KCNIP4: variants seen among roughly 807,000 people sequenced by gnomAD.
KCNIP4 encodes the protein Kv channel-interacting protein 4.
KCNIP4 carries 12 observed loss-of-function variants against 34.0 expected under a neutral mutation model. The ratio of observed to expected loss-of-function variants is 0.35; its 90% confidence interval spans 0.23 to 0.57. KCNIP4 has a LOEUF of 0.57. Among genes scored for constraint, KCNIP4 ranks in the 20% least tolerant of loss-of-function variants. The pLI is 0.83. For missense variants in KCNIP4, 238 were observed against 311.7 expected (o/e 0.76, Z 1.78); for synonymous variants, 124 against 102.2 (o/e 1.21, Z -1.29).
At chr4:21,075,054 C>T (rs1365598743) in intron 1 of KCNIP4, among the ~76,000 whole-genome samples, 1 of 152,126 alleles carries the variant, frequency 6.6e-6, no homozygotes, top group East Asian at 1.9e-4. Flanking sequence ...AGCTTTACTT[C>T]CAACTATGTG....
At chr4:21,450,818 A>G (rs1369172920) in intron 1 of KCNIP4, among the ~76,000 whole-genome samples, 1 of 152,168 alleles carries the variant, frequency 6.6e-6, no homozygotes, top group Non-Finnish European at 1.5e-5. Flanking sequence ...ACGTGCAGAT[A>G]CTTTGAAAAG....
In KCNIP4 at chr4:20,896,472, C is replaced by T. The variant is rs571582828; in HGVS notation, c.62-13763G>A. On this transcript the variant is annotated intron_variant, in intron 1 of 8. Transcript: ENST00000382152. ...TTAGGGTGGGCCCTATAGCCAATAA[C>T]TGGTATCTTTCTGGAAGGAGAAGAC... is the stretch of plus-strand genomic sequence containing the variant. Among the ~76,000 whole-genome samples the T allele has an allele frequency of 4.6e-5, 7 of 152,216 alleles. No homozygotes were observed. In the South Asian group the frequency reaches 1.5e-3, roughly 32 times the overall value.
chr4:21,780,786 A>T (rs1338087179), intron 1 of KCNIP4, among the ~76,000 whole-genome samples: 2 of 152,186 alleles, frequency 1.3e-5, no homozygotes, highest in African/African-American at 2.4e-5. Flanking sequence ...TTATTCTCTC[A>T]CATTTCTGAA....
intron 1 of KCNIP4, among the ~76,000 whole-genome samples, chr4:21,551,147 A>T (rs59586361): frequency 0.039 from 5,978 of 152,164 alleles, 109 homozygotes; most frequent in East Asian, 0.049. Context: ...GCATATAAAA[A>T]CATTAGTTAA....
At chr4:21,756,021 C>T (rs1281245464) in intron 1 of KCNIP4, among the ~76,000 whole-genome samples, 1 of 152,214 alleles carries the variant, frequency 6.6e-6, no homozygotes, top group East Asian at 1.9e-4. Flanking sequence ...ATCAGCCCAA[C>T]TCCTTTTTTA....
At chr4:21,582,082 G>GGAATGGAATGGAATA (rs1553906760) in intron 1 of KCNIP4, 65 of 150,026 alleles carry the variant, frequency 4.3e-4, no homozygotes, top group African/African-American at 1.5e-3. Context: ...GGAATGGAAT[G>GGAATGGAATGGAATA]GAATGGGATG....
intron 1 of KCNIP4, among the ~76,000 whole-genome samples, chr4:21,932,484 C>T (rs529313294): frequency 1.2e-4 from 18 of 152,182 alleles, no homozygotes; most frequent in Admixed American, 1.0e-3. Context: ...CTTGCTGATA[C>T]AATTGCACAT....
chr4:21,136,759 G>A (rs996055712), intron 1 of KCNIP4, among the ~76,000 whole-genome samples: 27 of 152,132 alleles, frequency 1.8e-4, no homozygotes, highest in African/African-American at 6.3e-4. Flanking sequence ...AGACAAAGCA[G>A]TGTCAGTCAG....
chr4:20,841,337 G>C (rs1719692384), intron 3 of KCNIP4, among the ~76,000 whole-genome samples: 1 of 152,140 alleles, frequency 6.6e-6, no homozygotes, highest in African/African-American at 2.4e-5. Flanking sequence ...AGAAGGTGCA[G>C]CACCTGCTGT....
chr4:20,871,758 T>C (rs889539136), intron 2 of KCNIP4, among the ~76,000 whole-genome samples: 5 of 152,236 alleles, frequency 3.3e-5, no homozygotes, highest in African/African-American at 1.2e-4. Flanking sequence ...TCTCTTTGAG[T>C]TCTTTTTTCC....
intron 1 of KCNIP4, among the ~76,000 whole-genome samples, chr4:21,147,098 G>A (rs575538298): frequency 4.3e-4 from 66 of 152,260 alleles, no homozygotes; most frequent in East Asian, 1.4e-3. Flanking sequence ...TCTGGCTTCC[G>A]GTTGGGCTCA....
intron 1 of KCNIP4, among the ~76,000 whole-genome samples, chr4:21,114,181 T>G (rs1749492460): frequency 6.6e-6 from 1 of 152,158 alleles, no homozygotes; most frequent in Non-Finnish European, 1.5e-5. Context: ...GGCCTCCTCT[T>G]TTGTCTCTCC....
intron 1 of KCNIP4, among the ~76,000 whole-genome samples, chr4:21,823,987 C>T (rs1263784923): frequency 2.0e-5 from 3 of 152,092 alleles, no homozygotes; most frequent in Admixed American, 1.3e-4. Context: ...TTAGTGAATG[C>T]GACAGAACAG....
chr4:20,782,333 C>T (rs1235795922), intron 3 of KCNIP4, among the ~76,000 whole-genome samples: 6 of 152,098 alleles, frequency 3.9e-5, no homozygotes, highest in African/African-American at 7.2e-5. Flanking sequence ...AAGTGGTGTC[C>T]CAGTAGGGAC....
intron 1 of KCNIP4, among the ~76,000 whole-genome samples, chr4:21,399,470 G>A (rs1723286379): frequency 6.6e-6 from 1 of 152,186 alleles, no homozygotes; most frequent in Admixed American, 6.5e-5. Flanking sequence ...ATTAAATTAA[G>A]TTCCACCTGA....
intron 1 of KCNIP4, among the ~76,000 whole-genome samples, chr4:21,927,449 T>C (rs1729314447): frequency 6.6e-6 from 1 of 152,030 alleles, no homozygotes; most frequent in Admixed American, 6.6e-5. Context: ...AAAGCAATAC[T>C]CAGTAACTTT....
At chr4:21,183,697 C>A (rs973534300) in intron 1 of KCNIP4, among the ~76,000 whole-genome samples, 1 of 151,722 alleles carries the variant, frequency 6.6e-6, no homozygotes, top group East Asian at 1.9e-4. Context: ...CTCATTGTTC[C>A]CCCCCATTCT....
At chr4:21,006,779 C>T (rs899711862) in intron 1 of KCNIP4, among the ~76,000 whole-genome samples, 1 of 152,256 alleles carries the variant, frequency 6.6e-6, no homozygotes, top group African/African-American at 2.4e-5. Context: ...TGTCATGTAA[C>T]ACAGCATGGA....
intron 1 of KCNIP4, among the ~76,000 whole-genome samples, chr4:21,232,656 T>C (rs1235641081): frequency 6.6e-6 from 1 of 152,186 alleles, no homozygotes; most frequent in Non-Finnish European, 1.5e-5. Flanking sequence ...AAGAATTTAT[T>C]TCATTCATTT....
Sources: gnomAD v4.1 joint callset for allele counts (sites outside exome capture counted in the v4.1 genomes callset) on GRCh38, gnomAD v4.1.1 for gene constraint, MANE v1.5 for transcripts, NCBI Gene and HGNC (gene_info 2026-07-23, HGNC 2026-07-21) for gene names.